Variants in AK8 observed in about 807,000 individuals in gnomAD.
AK8 encodes ATP-AMP transphosphorylase 8.
Under a neutral mutation model 54.6 loss-of-function variants are expected in AK8, and 44 were observed. The ratio of observed to expected loss-of-function variants is 0.81; its 90% CI spans 0.63 to 1.04. The LOEUF (loss-of-function observed/expected upper bound fraction) is 1.04. AK8 is among the 50% of genes least tolerant of loss of function. AK8 has a pLI of 0.00. For synonymous variants in AK8, 239 were observed against 245.6 expected (o/e 0.97, Z 0.25); for missense variants, 555 against 613.6 (o/e 0.90, Z 1.01).
chr9:132,793,347 A>G (rs1564403960), intron 10 of AK8, among the ~76,000 whole-genome samples: 1 of 152,168 alleles, frequency 6.6e-6, no homozygotes, highest in Non-Finnish European at 1.5e-5. Flanking sequence ...AGATTTTAAC[A>G]TATGAATTTT....
intron 11 of AK8, among the ~76,000 whole-genome samples, 166 bp downstream of exon 11, chr9:132,792,468 C>T (rs1471606167): frequency 1.3e-5 from 2 of 152,238 alleles, no homozygotes; most frequent in Non-Finnish European, 2.9e-5. Context: ...AAGCCTGACT[C>T]CTAGTCCACC....
intron 4 of AK8, among the ~76,000 whole-genome samples, chr9:132,862,891 A>G (rs926590792): frequency 6.6e-6 from 1 of 152,082 alleles, no homozygotes; most frequent in Non-Finnish European, 1.5e-5. Flanking sequence ...GCATGGCAAG[A>G]AAGACAGAAG....
chr9:132,857,149 C>A (rs1346032545), intron 4 of AK8, among the ~76,000 whole-genome samples: 1 of 152,204 alleles, frequency 6.6e-6, no homozygotes, highest in African/African-American at 2.4e-5. Context: ...CCTTCCCCCA[C>A]CTTTCTTCCC....
At chr9:132,812,544 A>ACGGGTGAGCCGCCGCGCCCACTGGGATGG (rs1564415120) in intron 10 of AK8, among the ~76,000 whole-genome samples, 1 of 150,746 alleles carries the variant, frequency 6.6e-6, no homozygotes. Flanking sequence ...CACTGGGATG[A>ACGGGTGAGCCGCCGCGCCCACTGGGATGG]CGGGTGAGCC....
At chr9:132,859,666 A>C (rs1588225121) in intron 4 of AK8, among the ~76,000 whole-genome samples, 1 of 131,360 alleles carries the variant, frequency 7.6e-6, no homozygotes, top group African/African-American at 2.9e-5. Context: ...CCCCTCCTCG[A>C]CCCGGGTCTT....
chr9:132,794,621 C>T (rs1840078167), intron 10 of AK8, among the ~76,000 whole-genome samples: 1 of 152,210 alleles, frequency 6.6e-6, no homozygotes, highest in African/African-American at 2.4e-5. Context: ...CCCATAATAA[C>T]AAAGAACCAT....
chr9:132,822,921 C>A (rs182795199), intron 9 of AK8, among the ~76,000 whole-genome samples: 2 of 152,102 alleles, frequency 1.3e-5, no homozygotes, highest in Admixed American at 1.3e-4. Flanking sequence ...ACAAACCCCC[C>A]GCTCCAAAGG....
rs1234571249 is a variant in AK8 at position 132,823,447 on chromosome 9, A to C, written c.758-111T>G. On this transcript the variant is annotated intron_variant, in intron 8 of 12. Transcript: ENST00000298545. ...ACGGCAGTAACTCTTTTTCTCTTTC[A>C]CAGCACCATGGAAGCCCTCTGTGCA... 3 of 1,444,644 alleles carry C rather than the reference A, an allele frequency of 2.1e-6. No homozygotes were observed. In the African/African-American group the frequency reaches 4.2e-5, roughly 20 times the overall value. 89.5% of individuals were successfully genotyped at this position (1,444,644 alleles called of 1,614,324 possible). A position where few individuals can be genotyped will look rare whatever the true frequency, so the allele number is the denominator to read the frequency against.
At chr9:132,859,901 T>C (rs899553344) in intron 4 of AK8, among the ~76,000 whole-genome samples, 1 of 151,644 alleles carries the variant, frequency 6.6e-6, no homozygotes, top group Non-Finnish European at 1.5e-5. Context: ...GCCACTACTG[T>C]GGGAAGAAAA....
At chr9:132,862,884 T>C (rs540945264) in intron 4 of AK8, among the ~76,000 whole-genome samples, 1 of 151,900 alleles carries the variant, frequency 6.6e-6, no homozygotes, top group East Asian at 1.9e-4. Context: ...GCTGGGAGCA[T>C]GGCAAGAAAG....
At chr9:132,746,744 A>G (rs1837671727) in intron 11 of AK8, among the ~76,000 whole-genome samples, 1 of 152,150 alleles carries the variant, frequency 6.6e-6, no homozygotes, top group South Asian at 2.1e-4. Context: ...AGCAAAATAG[A>G]TCCAGGTGGA....
chr9:132,800,729 T>C (rs1401132082), intron 10 of AK8, among the ~76,000 whole-genome samples: 1 of 152,174 alleles, frequency 6.6e-6, no homozygotes, highest in Admixed American at 6.5e-5. Context: ...ACATCAGCCC[T>C]GGGTGCCCTG....
At chr9:132,782,913 G>A (rs1839539166) in intron 11 of AK8, among the ~76,000 whole-genome samples, 1 of 152,140 alleles carries the variant, frequency 6.6e-6, no homozygotes, top group Admixed American at 6.5e-5. Flanking sequence ...CCAATGGGAA[G>A]CTCTGTAGCC....
At position 132,762,790 on chromosome 9, in the gene AK8, GC is replaced by G. The variant is rs148928672; in HGVS notation, c.1121+29843del. ...GTGGTGGTGCATGTCTGTAATTCCA[GC>G]TACTTGCACCCAGGAGGCGAAGTTT... On this transcript the variant is annotated intron_variant, in intron 11 of 12. Coordinates refer to ENST00000298545, the MANE Select transcript of AK8 (RefSeq NM_152572.3). Among the ~76,000 whole-genome samples the G allele has an allele frequency of 3.3e-3, 497 of 152,090 alleles. 2 individuals carry two copies. The highest frequency in any genetic ancestry group is 0.011 in the African/African-American group (477 of 41,522).
intron 11 of AK8, among the ~76,000 whole-genome samples, chr9:132,775,587 G>A (rs1358376149): frequency 6.6e-6 from 1 of 152,166 alleles, no homozygotes; most frequent in Non-Finnish European, 1.5e-5. Context: ...GGGATTACAG[G>A]CATGAGCCAC....
intron 3 of AK8, among the ~76,000 whole-genome samples, chr9:132,865,079 T>C (rs1172610134): frequency 6.6e-6 from 1 of 152,184 alleles, no homozygotes; most frequent in East Asian, 1.9e-4. Context: ...AACCTGCATT[T>C]TTCATAGCAC....
intron 9 of AK8, among the ~76,000 whole-genome samples, chr9:132,820,867 A>T (rs560068036): frequency 6.6e-6 from 1 of 152,342 alleles, no homozygotes; most frequent in Non-Finnish European, 1.5e-5. Flanking sequence ...GCATTTGCAG[A>T]GAGATCTCAA....
intron 7 of AK8, 159 bp downstream of exon 7, chr9:132,827,854 C>T (rs1588179510): frequency 1.5e-6 from 1 of 655,068 alleles, no homozygotes; most frequent in South Asian, 2.0e-5. Flanking sequence ...TGTACCCTTG[C>T]CAGTGTCTTC....
intron 11 of AK8, among the ~76,000 whole-genome samples, chr9:132,742,771 C>A (rs1024024376): frequency 2.0e-5 from 3 of 152,224 alleles, no homozygotes; most frequent in Non-Finnish European, 4.4e-5. Flanking sequence ...CAACACAGAA[C>A]CCACGTGGGC....
Sources: allele counts gnomAD v4.1 joint callset (sites outside exome capture counted in the v4.1 genomes callset), GRCh38; gene constraint gnomAD v4.1.1; transcripts MANE v1.5; gene names NCBI Gene and HGNC (gene_info 2026-07-23, HGNC 2026-07-21).